Variants in OTOGL observed in about 807,000 individuals in gnomAD.
OTOGL encodes the protein otogelin like.
In OTOGL, 285 loss-of-function variants were observed where a neutral mutation model predicts 318.5. That is an observed-to-expected ratio of 0.89 (90% CI 0.81 to 0.99). The LOEUF (loss-of-function observed/expected upper bound fraction) is 0.99. Among genes scored for constraint, OTOGL ranks in the 50% least tolerant of loss-of-function variants. OTOGL has a pLI of 0.00. For synonymous variants in OTOGL, 987 were observed against 936.5 expected, an observed-to-expected ratio of 1.05 and a Z score of -0.99; for missense variants, 2,899 against 2,845.6, an observed-to-expected ratio of 1.02 and a Z score of -0.43.
intron 1 of OTOGL, among the ~76,000 whole-genome samples, chr12:80,137,003 G>T (rs1192364813): frequency 6.6e-6 from 1 of 151,956 alleles, no homozygotes; most frequent in Admixed American, 6.6e-5. Context: ...TTGTTGGCTG[G>T]ATTAATGCTG....
At chr12:80,278,859 A>G (rs1374214031) in intron 25 of OTOGL, among the ~76,000 whole-genome samples, 169 bp from the exon 26 acceptor site, 1 of 151,540 alleles carries the variant, frequency 6.6e-6, no homozygotes. Context: ...TGAAAAACGT[A>G]TGCCTAATTT....
intron 26 of OTOGL, among the ~76,000 whole-genome samples, chr12:80,283,859 T>G (rs1398080234): frequency 1.3e-5 from 2 of 152,038 alleles, no homozygotes; most frequent in African/African-American, 2.4e-5. Flanking sequence ...GGGCTCTGCC[T>G]TTTCTTTTTT....
At chr12:80,244,637 G>A (rs1377402335) in intron 11 of OTOGL, among the ~76,000 whole-genome samples, 1 of 149,936 alleles carries the variant, frequency 6.7e-6, no homozygotes, top group African/African-American at 2.5e-5. Context: ...ACATATGTGT[G>A]CATGTGTCTT....
At chr12:80,204,092 G>T (rs1471995826) in intron 1 of OTOGL, among the ~76,000 whole-genome samples, 3 of 152,150 alleles carry the variant, frequency 2.0e-5, no homozygotes, top group African/African-American at 7.2e-5. Flanking sequence ...TCTAATTCAC[G>T]CTGGGGGTAT....
intron 52 of OTOGL, among the ~76,000 whole-genome samples, chr12:80,365,479 A>G (rs1478508255): frequency 1.3e-5 from 2 of 152,156 alleles, no homozygotes; most frequent in Non-Finnish European, 1.5e-5. Flanking sequence ...GCTCAAGGAA[A>G]CAGAGTTAAC....
intron 1 of OTOGL, among the ~76,000 whole-genome samples, chr12:80,197,919 A>T (rs1270952522): frequency 6.6e-6 from 1 of 152,232 alleles, no homozygotes; most frequent in Non-Finnish European, 1.5e-5. Flanking sequence ...CAAGGGGGAC[A>T]TAAGTAGTAT....
At chr12:80,209,165 G>A (rs2137304592) in intron 1 of OTOGL, among the ~76,000 whole-genome samples, 1 of 152,256 alleles carries the variant, frequency 6.6e-6, no homozygotes, top group East Asian at 1.9e-4. Flanking sequence ...GGCCTATGAT[G>A]TGCAGGTGTG....
chr12:80,334,614 C>T (rs1888281737), intron 38 of OTOGL, among the ~76,000 whole-genome samples: 1 of 151,960 alleles, frequency 6.6e-6, no homozygotes, highest in South Asian at 2.1e-4. Flanking sequence ...TAATGTTAAC[C>T]AGAGAAATAG....
At chr12:80,305,213 C>G (rs1285813625) in intron 28 of OTOGL, among the ~76,000 whole-genome samples, 2 of 152,092 alleles carry the variant, frequency 1.3e-5, no homozygotes, top group African/African-American at 4.8e-5. Flanking sequence ...TATATATACA[C>G]ATGAATTCTG....
chr12:80,223,246 GGT>G (rs770914827), intron 7 of OTOGL, among the ~76,000 whole-genome samples: 9 of 150,750 alleles, frequency 6.0e-5, no homozygotes, highest in Non-Finnish European at 7.4e-5. Context: ...AGTATTCCAT[GGT>G]GTGTGTGTGT....
intron 1 of OTOGL, among the ~76,000 whole-genome samples, chr12:80,126,524 G>T (rs1441898977): frequency 6.6e-6 from 1 of 152,142 alleles, no homozygotes. Context: ...CTGTTGATTT[G>T]GGGTGGAGAG....
intron 1 of OTOGL, among the ~76,000 whole-genome samples, chr12:80,140,595 A>C (rs1252632891): frequency 2.0e-5 from 3 of 152,172 alleles, no homozygotes; most frequent in African/African-American, 4.8e-5. Flanking sequence ...TAACTACCTG[A>C]TGATCTTGGG....
At chr12:80,168,106 C>T (rs979500733) in intron 1 of OTOGL, among the ~76,000 whole-genome samples, 44 of 151,924 alleles carry the variant, frequency 2.9e-4, no homozygotes, top group African/African-American at 9.2e-4. Flanking sequence ...TCCAGGCGCA[C>T]GCCACCACAC....
Position 80,185,339 on chromosome 12 carries a change from G to T in OTOGL, c.-19-24074G>T, listed in dbSNP as rs142792004. On this transcript the variant is annotated intron_variant, in intron 1 of 58. Coordinates refer to ENST00000547103, the MANE Select transcript of OTOGL (RefSeq NM_001378609.3). The stretch of plus-strand genomic sequence containing the variant: ...CCTCTGTTGCCCAGTCTGGAGTGCA[G>T]TGGTGCAATCTTGGCTCACTGCAAC... Among the ~76,000 whole-genome samples, 849 of 152,200 alleles carry T rather than the reference G, an allele frequency of 5.6e-3. 10 individuals are homozygous for T. Among genetic ancestry groups the T allele is most frequent in the African/African-American group, 0.019 (807 of 41,496 alleles).
chr12:80,298,305 T>C (rs149758546), intron 27 of OTOGL, among the ~76,000 whole-genome samples: 144 of 152,272 alleles, frequency 9.5e-4, no homozygotes, highest in African/African-American at 3.2e-3. Flanking sequence ...TTAGGGTGAT[T>C]GTTAAGAGCA....
chr12:80,189,709 T>A (rs1443618254), intron 1 of OTOGL, among the ~76,000 whole-genome samples: 4 of 152,196 alleles, frequency 2.6e-5, no homozygotes, highest in Admixed American at 2.0e-4. Flanking sequence ...AATCGAAATA[T>A]GCAGGCTAAG....
chr12:80,299,900 A>G (rs1254334667), intron 27 of OTOGL, among the ~76,000 whole-genome samples: 1 of 152,154 alleles, frequency 6.6e-6, no homozygotes, highest in East Asian at 1.9e-4. Flanking sequence ...ACTCCCTTTG[A>G]CCATAGAGGA....
intron 1 of OTOGL, among the ~76,000 whole-genome samples, chr12:80,125,770 G>A (rs1363568928): frequency 6.6e-6 from 1 of 151,994 alleles, no homozygotes; most frequent in Admixed American, 6.6e-5. Context: ...GTCTTCGGAG[G>A]GTGTATGTGT....
At chr12:80,197,145 T>A (rs1040154753) in intron 1 of OTOGL, among the ~76,000 whole-genome samples, 5 of 152,214 alleles carry the variant, frequency 3.3e-5, no homozygotes, top group Non-Finnish European at 5.9e-5. Context: ...ATTTTAAATC[T>A]ACCTATAACT....
Sources: allele counts gnomAD v4.1 joint callset (sites outside exome capture counted in the v4.1 genomes callset), GRCh38; gene constraint gnomAD v4.1.1; transcripts MANE v1.5; gene names NCBI Gene and HGNC (gene_info 2026-07-23, HGNC 2026-07-21).